ADCK5: variants seen among roughly 807,000 people sequenced by gnomAD.
ADCK5 encodes aarF domain containing kinase 5.
A neutral mutation model predicts 64.9 loss-of-function variants in ADCK5; 43 were observed. The observed-to-expected ratio is 0.66, with a 90% CI of 0.52 to 0.85. ADCK5 has a LOEUF of 0.85. ADCK5 is among the 40% of genes least tolerant of loss of function. The pLI, the probability that ADCK5 is intolerant of heterozygous loss-of-function variation, is 0.00. For missense variants in ADCK5, 760 were observed against 810.5 expected, an observed-to-expected ratio of 0.94 and a Z score of 0.76; for synonymous variants, 434 against 342.8, an observed-to-expected ratio of 1.27 and a Z score of -2.94.
Position 144,388,979 on chromosome 8 carries a change from TCTGG to T in ADCK5, c.267-1690_267-1687del, listed in dbSNP as rs782095921. Among the ~76,000 whole-genome samples, 3 of 152,276 alleles carry T rather than the reference TCTGG, an allele frequency of 2.0e-5. No homozygotes were observed. In the East Asian group the frequency reaches 5.8e-4, roughly 29 times the overall value. On this transcript the variant is annotated intron_variant, in intron 3 of 14. Coordinates refer to ENST00000308860, the MANE Select transcript of ADCK5 (RefSeq NM_174922.5). ...GCTTCACAGAACGCAGGGACAGGCC[TCTGG>T]CCATGGCCAGCCTTGGAGAAGCCAC...
intron 3 of ADCK5, among the ~76,000 whole-genome samples, chr8:144,385,506 C>G (rs1554859125): frequency 1.3e-5 from 2 of 150,960 alleles, no homozygotes; most frequent in East Asian, 2.1e-4. Flanking sequence ...CACCACCAGG[C>G]GCGGTGGCTC....
chr8:144,391,988 C>A lies in ADCK5; in HGVS notation c.1062C>A (p.Thr354=). ...CCTTTGCTGAGCAGATATTTTACAC[C>A]GGCTTCATCCACTCGGACCCACATC... The part of the protein sequence containing the change: ...IKAFAEQIFY[T]GFIHSDPHPG... The change falls in exon 10 of 15, where the codon ACC becomes ACA. Residue 354 remains threonine (T), a synonymous_variant. Coordinates refer to ENST00000308860, the MANE Select transcript of ADCK5 (RefSeq NM_174922.5). The A allele has an allele frequency of 6.2e-7, 1 of 1,612,730 alleles. No individual in the cohort carries two copies. Among genetic ancestry groups the A allele is most frequent in the Non-Finnish European group, 8.5e-7 (1 of 1,179,976 alleles).
At position 144,390,839 on chromosome 8, in the gene ADCK5, C is replaced by T. The variant is rs543742812; in HGVS notation, c.343-17C>T. On this transcript the variant is annotated splice_polypyrimidine_tract_variant and intron_variant, in intron 4 of 14. Transcript: ENST00000308860. ...CAGCCACCTGTCCCCATGTGTTCTC[C>T]CCATGCCTGTGGTCAGAACAGCCCA... is the stretch of plus-strand genomic sequence containing the variant. 4 of 1,611,390 alleles carry T rather than the reference C, an allele frequency of 2.5e-6. No homozygotes were observed. In the African/African-American group the frequency reaches 5.3e-5, roughly 21 times the overall value.
intron 2 of ADCK5, among the ~76,000 whole-genome samples, chr8:144,380,778 G>A (rs1201671316): frequency 4.6e-4 from 67 of 144,448 alleles, no homozygotes; most frequent in African/African-American, 1.9e-3. Flanking sequence ...TATGGGCTGG[G>A]TGTAGAAGCA....
chr8:144,381,128 A>C (rs1554858066), intron 2 of ADCK5, among the ~76,000 whole-genome samples: 2 of 139,554 alleles, frequency 1.4e-5, no homozygotes, highest in African/African-American at 5.5e-5. Context: ...GTGCTCAGGC[A>C]CCTGCTGCAC....
At chr8:144,381,404 T>A (rs1554858191) in intron 2 of ADCK5, among the ~76,000 whole-genome samples, 2 of 111,008 alleles carry the variant, frequency 1.8e-5, no homozygotes, top group Non-Finnish European at 1.8e-5. Context: ...AGGCACCTGC[T>A]GCACTCAGGA....
chr8:144,378,033 T>G (rs1819443202), intron 1 of ADCK5, among the ~76,000 whole-genome samples: 1 of 152,228 alleles, frequency 6.6e-6, no homozygotes, highest in African/African-American at 2.4e-5. Context: ...CATCTCTTCC[T>G]GCAGAGACTG....
chr8:144,387,890 A>G (rs1248645593), intron 3 of ADCK5, among the ~76,000 whole-genome samples: 1 of 150,910 alleles, frequency 6.6e-6, no homozygotes, highest in East Asian at 2.0e-4. Flanking sequence ...ACGCCACCAC[A>G]CCCAGCTAAT....
upstream of ADCK5, chr8:144,373,778 C>T: frequency 3.0e-6 from 1 of 335,770 alleles, no homozygotes. Flanking sequence ...CCCGGATTAT[C>T]CACGTGCTTC....
rs782110176 is a variant in ADCK5 at position 144,392,003 on chromosome 8, G to A, written c.1077G>A (p.Ser359=). The change falls in exon 10 of 15, where the codon TCG becomes TCA. Residue 359 remains serine (S), a synonymous_variant. Coordinates refer to ENST00000308860, the MANE Select transcript of ADCK5 (RefSeq NM_174922.5). The part of the protein sequence containing the change: ...EQIFYTGFIH[S]DPHPGNVLVR... ...TATTTTACACCGGCTTCATCCACTC[G>A]GACCCACATCCTGGCAACGGTAGGA... 12 of 1,612,550 alleles carry A rather than the reference G, an allele frequency of 7.4e-6. No individual in the cohort carries two copies. The highest frequency in any genetic ancestry group is 9.3e-6 in the Non-Finnish European group (11 of 1,179,966).
chr8:144,390,532 T>C, intron 3 of ADCK5, 139 bp from the exon 4 acceptor site: 1 of 899,276 alleles, frequency 1.1e-6, no homozygotes. Context: ...GGCTGTAGGC[T>C]GGACCCTGGC....
chr8:144,392,412 G>GCCCCCCCCCCCGC, intron 12 of ADCK5, 33 bp from the exon 13 acceptor site: 1 of 1,475,036 alleles, frequency 6.8e-7, no homozygotes, highest in Non-Finnish European at 9.0e-7. Context: ...CCCACTCAGA[G>GCCCCCCCCCCCGC]CCCCCTCCCT....
At chr8:144,373,862 C>T, upstream of ADCK5, 1 of 389,116 alleles carries the variant, frequency 2.6e-6, no homozygotes, top group Non-Finnish European at 4.4e-6. Flanking sequence ...GAACCCTCCG[C>T]TCTCAGGAGG....
Position 144,391,392 on chromosome 8 carries a change from A to G in ADCK5, c.716A>G (p.Asp239Gly). 1 of 1,613,188 alleles carries G rather than the reference A, an allele frequency of 6.2e-7. No individual in the cohort carries two copies. Among genetic ancestry groups the G allele is most frequent in the Non-Finnish European group, 8.5e-7 (1 of 1,180,000 alleles). ...TACATCGACCTGCGGGACCGCTTTG[A>G]TGGGGACATCCACACCCTGGAGCTC... ...VQYIDLRDRFDGDIHTLELLL... is the reference protein window; with the variant it reads ...VQYIDLRDRFGGDIHTLELLL... Residue 239 changes from aspartate (D) to glycine (G), a missense_variant, in exon 7 of 15, where the codon GAT becomes GGT. Around this residue, in one of 2 missense-constraint regions of ADCK5, gnomAD observed 427 missense variants for 518.4 expected, o/e 0.82. Transcript: ENST00000308860.
At position 144,380,210 on chromosome 8, in the gene ADCK5, A is replaced by G. The variant is rs35545311; in HGVS notation, c.116+720A>G. Among the ~76,000 whole-genome samples, 10 of 148,348 alleles carry G rather than the reference A, an allele frequency of 6.7e-5. No individual in the cohort carries two copies. In the East Asian group the frequency reaches 1.0e-3, roughly 15 times the overall value. ...TGTAGAAACAGATGTGTGCTCAGGC[A>G]CCTGCTGCACTAAGGATTATGGGCC... On this transcript the variant is annotated intron_variant, in intron 2 of 14. Coordinates refer to ENST00000308860, the MANE Select transcript of ADCK5 (RefSeq NM_174922.5).
At chr8:144,387,680 T>C (rs1278004894) in intron 3 of ADCK5, among the ~76,000 whole-genome samples, 1 of 151,048 alleles carries the variant, frequency 6.6e-6, no homozygotes, top group Non-Finnish European at 1.5e-5. Context: ...GCTGGGATTA[T>C]AGGCATGAGC....
chr8:144,391,250 C>T lies in ADCK5; in HGVS notation c.660C>T (p.His220=), dbSNP rs782440277. 8.1e-6 allele frequency: 13 copies of T among 1,612,462 alleles called. No homozygotes were observed. The highest frequency in any genetic ancestry group is 4.4e-5 in the South Asian group (4 of 91,088). The change falls in exon 6 of 15, where the codon CAC becomes CAT. Residue 220 remains histidine (H), a synonymous_variant. Transcript: ENST00000308860. The part of the protein sequence containing the change: ...SLAQVHRAKL[H]DGTSVAVKVQ... ...CACAGGTGCACAGAGCCAAGCTGCA[C>T]GATGGCACCAGCGTGGCTGTGAAGG... is the stretch of plus-strand genomic sequence containing the variant.
In ADCK5 at chr8:144,392,965, G is replaced by T; in HGVS notation, c.1638-4G>T. On this transcript the variant is annotated splice_region_variant and splice_polypyrimidine_tract_variant and intron_variant, in intron 14 of 14. Coordinates refer to ENST00000308860, the MANE Select transcript of ADCK5 (RefSeq NM_174922.5). ...ACCTGTGACCTGTGACCTGACCCACGCAGGCTGGAGACCTTGGCCATGCGG... is the reference window on the plus strand; with the variant it reads ...ACCTGTGACCTGTGACCTGACCCACTCAGGCTGGAGACCTTGGCCATGCGG... The T allele has an allele frequency of 1.3e-6, 2 of 1,586,356 alleles. No individual in the cohort carries two copies. Among genetic ancestry groups the T allele is most frequent in the Non-Finnish European group, 8.6e-7 (1 of 1,169,230 alleles).
Position 144,391,795 on chromosome 8 carries a change from G to T in ADCK5, c.943G>T (p.Ala315Ser). ...WDKSSKRVLT[A>S]DFCAGCKVND... ...TTGCTCTCCCCAGCGCGTGCTCACT[G>T]CCGACTTCTGCGCCGGCTGCAAGGT... The change falls in exon 9 of 15, where the codon GCC becomes TCC. Residue 315 changes from alanine to serine, a missense_variant. Ala to Ser is a moderately conservative substitution (Grantham distance 99, BLOSUM62 1). Transcript: ENST00000308860. 6.4e-7 allele frequency: 1 copy of T among 1,555,208 alleles called. No individual in the cohort carries two copies.
Sources: gnomAD v4.1 joint callset for allele counts (sites outside exome capture counted in the v4.1 genomes callset) on GRCh38, gnomAD v4.1.1 for gene constraint, gnomAD v4.1.1 regional missense constraint, MANE v1.5 for transcripts, NCBI Gene and HGNC (gene_info 2026-07-23, HGNC 2026-07-21) for gene names.